The following DCHS2 variants were observed in gnomAD, a reference collection of about 807,000 sequenced individuals.
DCHS2 encodes the protein protocadherin-23.
In DCHS2, 142 loss-of-function variants were observed where a neutral mutation model predicts 182.4. The ratio of observed to expected loss-of-function variants is 0.78; its 90% CI spans 0.68 to 0.89. The LOEUF (loss-of-function observed/expected upper bound fraction) is 0.89, where lower values mean the gene tolerates loss of function less well. Among genes scored for constraint, DCHS2 ranks in the 40% least tolerant of loss-of-function variants. The pLI, the probability that DCHS2 is intolerant of heterozygous loss-of-function variation, is 0.00. For synonymous variants in DCHS2, 1,740 were observed against 1,663.3 expected (o/e 1.05, Z -1.12); for missense variants, 4,319 against 4,198.6 (o/e 1.03, Z -0.79).
At chr4:154,257,233 C>T (rs1433510066) in intron 15 of DCHS2, among the ~76,000 whole-genome samples, 10 of 152,134 alleles carry the variant, frequency 6.6e-5, no homozygotes, top group African/African-American at 2.2e-4. Context: ...GGCGACAGAG[C>T]GAGACTTCGT....
At chr4:154,457,630 T>A (rs764292308) in intron 1 of DCHS2, among the ~76,000 whole-genome samples, 31 of 152,284 alleles carry the variant, frequency 2.0e-4, no homozygotes, top group Admixed American at 4.6e-4. Context: ...GACGATTTTG[T>A]TTTTTAGAGT....
At position 154,259,615 on chromosome 4, in the gene DCHS2, G is replaced by A. The variant is rs1229192044; in HGVS notation, c.6719C>T (p.Pro2240Leu). Residue 2240 changes from proline to leucine, a missense_variant, in exon 15 of 20, where the codon CCA becomes CTA. Pro to Leu is a moderately conservative substitution (Grantham distance 98). Coordinates refer to ENST00000357232, the MANE Select transcript of DCHS2 (RefSeq NM_001358235.2). Reference sequence around the variant, plus strand: ...CTGGTAAATGCTTTGTTCAAAGCATGGTGAATTATCATTCTCATCCTGTAT... The same window carrying A: ...CTGGTAAATGCTTTGTTCAAAGCATAGTGAATTATCATTCTCATCCTGTAT... ...VLIQDENDNS[P>L]CFEQSIYQAS... 6.2e-7 allele frequency: 1 copy of A among 1,613,834 alleles called. No homozygotes were observed. The highest frequency in any genetic ancestry group is 1.7e-5 in the Admixed American group (1 of 59,988).
chr4:154,445,133 T>C (rs1010364770), intron 1 of DCHS2, among the ~76,000 whole-genome samples: 1 of 152,204 alleles, frequency 6.6e-6, no homozygotes, highest in Admixed American at 6.5e-5. Flanking sequence ...CTATGCACCA[T>C]GAGTTGTTAC....
Position 154,304,662 on chromosome 4 carries a change from A to T in DCHS2, c.5605+7T>A. On this transcript the variant is annotated splice_region_variant and intron_variant, in intron 12 of 19. Transcript: ENST00000357232. ...AAACAAACAAACAAACAAACAAACA[A>T]ACTTACCAATTATGTGATATTCAAC... is the stretch of plus-strand genomic sequence containing the variant. The T allele has an allele frequency of 6.3e-7, 1 of 1,595,188 alleles. No homozygotes were observed. Among genetic ancestry groups the T allele is most frequent in the South Asian group, 1.1e-5 (1 of 88,026 alleles).
chr4:154,305,731 T>C (rs572519660), intron 10 of DCHS2, among the ~76,000 whole-genome samples: 22 of 152,330 alleles, frequency 1.4e-4, no homozygotes, highest in African/African-American at 5.1e-4. Context: ...CGACTTAGTG[T>C]TCAGTCTGCT....
At chr4:154,470,235 T>C (rs1326600620) in intron 1 of DCHS2, among the ~76,000 whole-genome samples, 2 of 152,256 alleles carry the variant, frequency 1.3e-5, no homozygotes, top group East Asian at 1.9e-4. Context: ...TCCAGCACTT[T>C]GGGAGGCTGA....
At chr4:154,402,097 G>C (rs1732210456) in intron 1 of DCHS2, among the ~76,000 whole-genome samples, 1 of 152,184 alleles carries the variant, frequency 6.6e-6, no homozygotes, top group Non-Finnish European at 1.5e-5. Context: ...AGATTGTAAA[G>C]TTTTTCCCCA....
chr4:154,483,892 G>T (rs1021914847), intron 1 of DCHS2, among the ~76,000 whole-genome samples: 38 of 152,138 alleles, frequency 2.5e-4, no homozygotes, highest in Admixed American at 1.0e-3. Flanking sequence ...ACAGCTTTAA[G>T]TATCACCTCC....
intron 1 of DCHS2, among the ~76,000 whole-genome samples, chr4:154,387,830 T>TA (rs1312599657): frequency 6.6e-6 from 1 of 151,990 alleles, no homozygotes; most frequent in Admixed American, 6.6e-5. Context: ...ATAAAAATAA[T>TA]ACAGATTTCC....
chr4:154,379,427 A>G (rs1400185753), intron 1 of DCHS2, among the ~76,000 whole-genome samples: 1 of 152,216 alleles, frequency 6.6e-6, no homozygotes, highest in African/African-American at 2.4e-5. Flanking sequence ...AGTCTTTGTC[A>G]TACATATCAT....
chr4:154,270,154 G>C (rs1384208635), intron 13 of DCHS2, 141 bp from the exon 14 acceptor site: 1 of 1,095,678 alleles, frequency 9.1e-7, no homozygotes, highest in African/African-American at 1.6e-5. Flanking sequence ...TGTCTTCAAT[G>C]AGCCAGATCC....
intron 16 of DCHS2, among the ~76,000 whole-genome samples, chr4:154,247,412 G>A (rs1732125102): frequency 6.6e-6 from 1 of 151,554 alleles, no homozygotes; most frequent in African/African-American, 2.4e-5. Context: ...AGGAGGCAGA[G>A]GTTGCACTGA....
At chr4:154,252,159 C>CTT (rs1352315905) in intron 16 of DCHS2, among the ~76,000 whole-genome samples, 14 of 151,934 alleles carry the variant, frequency 9.2e-5, no homozygotes, top group African/African-American at 3.4e-4. Flanking sequence ...AATAGGAAAT[C>CTT]TTTTCTTTTT....
chr4:154,491,759 C>T lies in DCHS2; in HGVS notation c.-404G>A, dbSNP rs1728845857. The stretch of plus-strand genomic sequence containing the variant: ...GGAGATTATATGAAGCGCGCACACA[C>T]AAGGAGAGGATGGGGATCTGGCCGG... On this transcript the variant is annotated 5_prime_UTR_variant, in exon 1 of 20. It adds an upstream start codon to the 5' untranslated region. Transcript: ENST00000357232. The T allele has an allele frequency of 5.0e-6, 5 of 1,002,816 alleles. No homozygotes were observed. Among genetic ancestry groups the T allele is most frequent in the Non-Finnish European group, 5.9e-6 (5 of 842,688 alleles). 62.1% of individuals were successfully genotyped at this position (1,002,816 alleles called of 1,614,324 possible). A position where few individuals can be genotyped will look rare whatever the true frequency, so the allele number is the denominator to read the frequency against.
chr4:154,357,618 C>T (rs1729936310), intron 3 of DCHS2, among the ~76,000 whole-genome samples: 1 of 152,172 alleles, frequency 6.6e-6, no homozygotes, highest in Non-Finnish European at 1.5e-5. Context: ...TGCTGACCTG[C>T]CCATTGTACA....
intron 16 of DCHS2, among the ~76,000 whole-genome samples, chr4:154,246,574 A>G (rs906588566): frequency 6.6e-6 from 1 of 152,160 alleles, no homozygotes; most frequent in African/African-American, 2.4e-5. Flanking sequence ...AGACAAATAA[A>G]AAAAAGGAAC....
At chr4:154,316,715 C>A (rs1014258092) in intron 9 of DCHS2, among the ~76,000 whole-genome samples, 1 of 151,992 alleles carries the variant, frequency 6.6e-6, no homozygotes, top group African/African-American at 2.4e-5. Flanking sequence ...ACCTGGGAGG[C>A]GGAAGCTGTA....
rs571427861 is a variant in DCHS2, at chr4:154,398,359, G to A, written c.2053-20915C>T. On this transcript the variant is annotated intron_variant, in intron 1 of 19. Coordinates refer to ENST00000357232, the MANE Select transcript of DCHS2 (RefSeq NM_001358235.2). Reference sequence around the variant, plus strand: ...CGCAGCAAAGATTCAGTGAAATAACGTGCAGAAAGTGTCCAATGCCTGACA... The same window carrying A: ...CGCAGCAAAGATTCAGTGAAATAACATGCAGAAAGTGTCCAATGCCTGACA... 1.1e-4 allele frequency among the ~76,000 whole-genome samples: 17 copies of A among 152,266 alleles called. No individual in the cohort carries two copies. In the South Asian group the frequency reaches 3.3e-3, roughly 30 times the overall value.
intron 13 of DCHS2, among the ~76,000 whole-genome samples, chr4:154,287,244 A>G (rs1734445482): frequency 6.6e-6 from 1 of 152,220 alleles, no homozygotes; most frequent in Non-Finnish European, 1.5e-5. Context: ...GACATTAATG[A>G]GTAATAAGAA....
Sources: allele counts gnomAD v4.1 joint callset (sites outside exome capture counted in the v4.1 genomes callset), GRCh38; gene constraint gnomAD v4.1.1; transcripts MANE v1.5; gene names NCBI Gene and HGNC (gene_info 2026-07-23, HGNC 2026-07-21).